Variants in MBP observed in about 807,000 individuals in gnomAD.
The protein encoded by MBP is Golli-MBP.
In MBP, 16 loss-of-function variants were observed where a neutral mutation model predicts 35.8. The observed-to-expected ratio is 0.45, with a 90% CI of 0.30 to 0.68. MBP has a LOEUF of 0.68. Ranked by LOEUF, MBP falls within the 30% of genes least tolerant of loss-of-function variation. The probability of loss-of-function intolerance (pLI) is 0.08; values close to 1 mark genes in which losing one functional copy is unlikely to be tolerated. For synonymous variants in MBP, 143 were observed against 159.6 expected (o/e 0.90, Z 0.78); for missense variants, 380 against 404.7 (o/e 0.94, Z 0.52).
At chr18:77,088,497 C>T (rs1975361296) in intron 2 of MBP, among the ~76,000 whole-genome samples, 2 of 152,286 alleles carry the variant, frequency 1.3e-5, no homozygotes, top group South Asian at 4.1e-4. Context: ...AGGCCCATAA[C>T]CTTCTTACAT....
At chr18:77,054,701 A>G (rs572915851) in intron 3 of MBP, among the ~76,000 whole-genome samples, 47 of 152,192 alleles carry the variant, frequency 3.1e-4, no homozygotes, top group Non-Finnish European at 5.9e-4. Context: ...TTGTACCTGG[A>G]TAAGGGGAGA....
intron 2 of MBP, among the ~76,000 whole-genome samples, chr18:77,100,611 T>C (rs948517758): frequency 2.0e-5 from 3 of 151,656 alleles, no homozygotes; most frequent in African/African-American, 7.3e-5. Flanking sequence ...AGTGCAGTGG[T>C]GTGATCATGG....
rs553676556 is a variant in MBP, at chr18:76,997,489, G to A, written c.577-7429C>T. Among the ~76,000 whole-genome samples the A allele has an allele frequency of 1.6e-4, 24 of 152,358 alleles. No homozygotes were observed. In the South Asian group the frequency reaches 4.4e-3, roughly 28 times the overall value. On this transcript the variant is annotated intron_variant, in intron 4 of 8. Transcript: ENST00000355994. ...AGCCACCTTGGAAAAGCGGCAAAGC[G>A]TGTGAGATCAGCCTCTGGTGAGCTT... is the stretch of plus-strand genomic sequence containing the variant.
rs1034584979 is a variant in MBP at position 76,989,269 on chromosome 18, G to A, written c.682-357C>T. On this transcript the variant is annotated intron_variant, in intron 5 of 8. Transcript: ENST00000355994. The surrounding 1 kb of genome is among the most constrained non-coding windows in gnomAD (Gnocchi z 4.0). ...GGAGTAGCGGGCCCTCTGACATTCA[G>A]AGCTTCCAAGGGGATGTCCCCAGGT... 6.6e-6 allele frequency among the ~76,000 whole-genome samples: 1 copy of A among 152,188 alleles called. No homozygotes were observed. Among genetic ancestry groups the A allele is most frequent in the Non-Finnish European group, 1.5e-5 (1 of 68,032 alleles).
intron 2 of MBP, among the ~76,000 whole-genome samples, chr18:77,087,127 A>T (rs112646574): frequency 8.6e-4 from 131 of 152,190 alleles, no homozygotes; most frequent in African/African-American, 3.0e-3. Context: ...GATGCGAAGC[A>T]CTGGCAGAGC....
Position 77,131,105 on chromosome 18 carries a change from ACACACACACACACACC to A in MBP, c.-26+1459_-26+1474del, listed in dbSNP as rs1351530009. Among the ~76,000 whole-genome samples, 294 of 143,102 alleles carry A rather than the reference ACACACACACACACACC, an allele frequency of 2.1e-3. 3 individuals carry two copies. The highest frequency in any genetic ancestry group is 0.012 in the Middle Eastern group (3 of 256). The allele number at this position is 143,102 out of a possible 152,430, so 93.9% of individuals were successfully genotyped here. On this transcript the variant is annotated intron_variant, in intron 1 of 8. Transcript: ENST00000355994. This position sits in a 1 kb window ranked among gnomAD's most constrained non-coding sequence, Gnocchi z 5.5. ...CACGCGCACACACACACACACACACACACACACACACACACCCCCTCTGCCGCGGTACCCTTCCCCT... is the reference window on the plus strand; with the variant it reads ...CACGCGCACACACACACACACACACACCCTCTGCCGCGGTACCCTTCCCCT...
chr18:77,049,885 G>A (rs530528978), intron 3 of MBP, among the ~76,000 whole-genome samples: 132 of 152,106 alleles, frequency 8.7e-4, no homozygotes, highest in African/African-American at 2.7e-3. Flanking sequence ...TCACCATGTT[G>A]GCCAGGCTGG....
chr18:77,003,313 A>C (rs470903), intron 4 of MBP: 2 of 152,092 alleles, frequency 1.3e-5, no homozygotes, highest in Non-Finnish European at 2.9e-5. Context: ...CAGGTTGCAC[A>C]TGGCGGGTTT....
intron 1 of MBP, chr18:77,115,331 G>A (rs1385483066): frequency 2.0e-5 from 3 of 152,264 alleles, no homozygotes; most frequent in Admixed American, 2.0e-4. Flanking sequence ...AATGGCTCTT[G>A]ATAGCCTGTG....
chr18:77,072,705 T>C (rs892251197), intron 2 of MBP, among the ~76,000 whole-genome samples: 2 of 152,222 alleles, frequency 1.3e-5, no homozygotes, highest in African/African-American at 4.8e-5. Flanking sequence ...TCAGGGGCTC[T>C]GGCCCAGGAC....
chr18:77,055,949 A>G (rs919443101), intron 3 of MBP, among the ~76,000 whole-genome samples: 3 of 152,236 alleles, frequency 2.0e-5, no homozygotes, highest in African/African-American at 4.8e-5. Flanking sequence ...GGAAAAAAAG[A>G]AAAAACGAAG....
Position 76,989,920 on chromosome 18 carries a change from C to T in MBP, c.681+36G>A. ...AGTGGCCAGCACCCCTCCTCCCCCT[C>T]ACAGTTGCTACCTCTTCCCATCGAT... On this transcript the variant is annotated intron_variant, in intron 5 of 8. Coordinates refer to ENST00000355994, the MANE Select transcript of MBP (RefSeq NM_001025101.2). The surrounding 1 kb of genome is among the most constrained non-coding windows in gnomAD (Gnocchi z 4.0). The T allele has an allele frequency of 6.4e-7, 1 of 1,560,856 alleles. No homozygotes were observed. The highest frequency in any genetic ancestry group is 8.8e-7 in the Non-Finnish European group (1 of 1,133,620).
chr18:76,990,262 CAGTA>C (rs893387239), intron 4 of MBP, among the ~76,000 whole-genome samples: 1 of 151,518 alleles, frequency 6.6e-6, no homozygotes, highest in African/African-American at 2.4e-5. Flanking sequence ...ACTCCACGAA[CAGTA>C]AGAACAAGTG....
chr18:77,075,421 G>A (rs530207360), intron 2 of MBP, among the ~76,000 whole-genome samples: 2 of 152,312 alleles, frequency 1.3e-5, no homozygotes, highest in South Asian at 2.1e-4. Flanking sequence ...CACATTGCTG[G>A]CCTAGAGAAC....
At position 77,009,932 on chromosome 18, in the gene MBP, G is replaced by A. The variant is rs761846333; in HGVS notation, c.576+6900C>T. ...CCCGGCTTTAGCCAGGGTACCTGCC[G>A]GGGGACACAGAGTGGGCTGCGTGAG... On this transcript the variant is annotated intron_variant, in intron 4 of 8. Transcript: ENST00000355994. 2.2e-5 allele frequency: 34 copies of A among 1,575,026 alleles called. 1 individual carries two copies. Among genetic ancestry groups the A allele is most frequent in the Middle Eastern group, 1.9e-4 (1 of 5,310 alleles).
At chr18:77,018,562 A>G (rs1001140843) in intron 3 of MBP, among the ~76,000 whole-genome samples, 6 of 134,182 alleles carry the variant, frequency 4.5e-5, no homozygotes, top group African/African-American at 1.5e-4. Context: ...TCCATCCCCC[A>G]TCCACTCATC....
At chr18:77,032,601 G>A (rs1455269125) in intron 3 of MBP, among the ~76,000 whole-genome samples, 2 of 152,256 alleles carry the variant, frequency 1.3e-5, no homozygotes, top group African/African-American at 4.8e-5. Context: ...CACACACTGA[G>A]CTCAGGTTCC....
At chr18:77,127,822 G>C (rs1002009758) in intron 1 of MBP, 1 of 151,678 alleles carries the variant, frequency 6.6e-6, no homozygotes, top group Non-Finnish European at 1.5e-5. Flanking sequence ...TAAACCATCA[G>C]GAGATATCAC....
chr18:77,051,350 AT>A (rs943590639), intron 3 of MBP, among the ~76,000 whole-genome samples: 15 of 152,212 alleles, frequency 9.9e-5, no homozygotes, highest in African/African-American at 3.1e-4. Context: ...TAATGATAAA[AT>A]TAACCTACTT....
Sources: allele counts gnomAD v4.1 joint callset (sites outside exome capture counted in the v4.1 genomes callset), GRCh38; gene constraint gnomAD v4.1.1; non-coding constraint Gnocchi (gnomAD v3.1); transcripts MANE v1.5; gene names NCBI Gene and HGNC (gene_info 2026-07-23, HGNC 2026-07-21).